The following SPECC1 variants were observed in gnomAD, a reference collection of about 807,000 sequenced individuals.
SPECC1 encodes the protein sperm antigen with calponin homology and coiled-coil domains 1.
A neutral mutation model predicts 104.1 loss-of-function variants in SPECC1; 62 were observed. The ratio of observed to expected loss-of-function variants is 0.60; its 90% CI spans 0.49 to 0.74. The LOEUF is 0.74. Among genes scored for constraint, SPECC1 ranks in the 30% least tolerant of loss-of-function variants. The pLI is 0.00. For missense variants in SPECC1, 1,306 were observed against 1,310.5 expected (o/e 1.00, Z 0.05); for synonymous variants, 513 against 501.6 (o/e 1.02, Z -0.30).
At position 20,312,581 on chromosome 17, in the gene SPECC1, A is replaced by G. The variant is rs184607293; in HGVS notation, c.3118-1395A>G. Among the ~76,000 whole-genome samples the G allele has an allele frequency of 3.3e-5, 5 of 152,222 alleles. No homozygotes were observed. The East Asian group carries it at 7.7e-4, about 24-fold the overall frequency. On this transcript the variant is annotated intron_variant, in intron 14 of 14. Coordinates refer to ENST00000395527, the MANE Select transcript of SPECC1 (RefSeq NM_001243439.2). ...CATCTATGTCCAAATTGCATGCCCA[A>G]TTCTTCATCAGTTCCTTTCTGTAAG...
intron 9 of SPECC1, among the ~76,000 whole-genome samples, chr17:20,253,157 A>G (rs1475960171): frequency 2.6e-5 from 4 of 152,170 alleles, no homozygotes; most frequent in Admixed American, 1.3e-4. Flanking sequence ...ATACCTATTA[A>G]CCATTAAAAA....
intron 3 of SPECC1, among the ~76,000 whole-genome samples, chr17:20,132,142 T>G (rs2049679100): frequency 6.6e-6 from 1 of 152,184 alleles, no homozygotes; most frequent in African/African-American, 2.4e-5. Context: ...TTCTCTGCAT[T>G]GATAGATGTG....
intron 3 of SPECC1, among the ~76,000 whole-genome samples, chr17:20,135,337 A>T (rs989754575): frequency 6.6e-6 from 1 of 152,152 alleles, no homozygotes; most frequent in African/African-American, 2.4e-5. Context: ...TGCTGTTTAG[A>T]TGGGACGTTT....
intron 3 of SPECC1, among the ~76,000 whole-genome samples, chr17:20,157,654 A>C (rs1435415270): frequency 1.3e-5 from 2 of 152,174 alleles, no homozygotes; most frequent in African/African-American, 4.8e-5. Context: ...TACAGCTTTT[A>C]AGACTGATTG....
chr17:20,300,395 A>G (rs2041530458), intron 13 of SPECC1, among the ~76,000 whole-genome samples: 1 of 152,222 alleles, frequency 6.6e-6, no homozygotes, highest in Non-Finnish European at 1.5e-5. Context: ...TGTTGGAGAG[A>G]TAACTGAGGA....
At chr17:20,221,687 G>T (rs1229639841) in intron 4 of SPECC1, among the ~76,000 whole-genome samples, 4 of 151,282 alleles carry the variant, frequency 2.6e-5, no homozygotes, top group Non-Finnish European at 4.4e-5. Context: ...TCTCATTTTG[G>T]GTTTCATTTG....
intron 6 of SPECC1, 48 bp downstream of exon 6, chr17:20,231,879 C>A: frequency 1.9e-6 from 3 of 1,568,454 alleles, no homozygotes; most frequent in South Asian, 1.1e-5. Context: ...ATGAATTACC[C>A]GCTCCGAGGT....
chr17:20,201,476 C>T (rs2036430909), intron 3 of SPECC1, among the ~76,000 whole-genome samples: 1 of 151,828 alleles, frequency 6.6e-6, no homozygotes, highest in Non-Finnish European at 1.5e-5. Flanking sequence ...AGCAAAACTC[C>T]ATCTCAAAAA....
chr17:20,111,894 T>A, intron 3 of SPECC1: 2 of 796,096 alleles, frequency 2.5e-6, no homozygotes, highest in South Asian at 2.7e-5. Context: ...TGTGGAACTT[T>A]ATCTGATTTG....
rs552364680 is a variant in SPECC1 at position 20,205,877 on chromosome 17, G to A, written c.1828G>A (p.Gly610Ser). The change falls in exon 4 of 15, where the codon GGT (glycine) becomes AGT (serine). Residue 610 changes from glycine (G) to serine (S), a missense_variant. This residue lies in a region of SPECC1 where 1,177 missense variants were observed against 1,139.9 expected (regional missense o/e 1.03). Coordinates refer to ENST00000395527, the MANE Select transcript of SPECC1 (RefSeq NM_001243439.2). Reference protein sequence around the residue: ...ELRQELLKANGEIKHVSSLLA... With the variant: ...ELRQELLKANSEIKHVSSLLA... ...CAGACAAGAATTACTAAAGGCAAAC[G>A]GTGAAATTAAACATGTTTCCAGTCT... 9.9e-6 allele frequency: 16 copies of A among 1,612,978 alleles called. No individual in the cohort carries two copies. In the East Asian group the frequency reaches 1.1e-4, roughly 11 times the overall value.
At chr17:20,157,903 C>A (rs773015848) in intron 3 of SPECC1, among the ~76,000 whole-genome samples, 4 of 152,186 alleles carry the variant, frequency 2.6e-5, no homozygotes, top group Non-Finnish European at 5.9e-5. Context: ...GGCTCCAGCA[C>A]CTCTCCTCCG....
chr17:20,021,679 TA>T (rs1567797426), intron 1 of SPECC1, among the ~76,000 whole-genome samples: 4 of 141,946 alleles, frequency 2.8e-5, no homozygotes, highest in East Asian at 2.1e-4. Context: ...ATATATAATA[TA>T]ATAATATATA....
chr17:20,081,472 G>A (rs569560473), intron 1 of SPECC1, among the ~76,000 whole-genome samples: 2 of 152,246 alleles, frequency 1.3e-5, no homozygotes, highest in East Asian at 1.9e-4. Flanking sequence ...TGGGGTGTGC[G>A]TGTGAACCAT....
chr17:20,033,734 A>G (rs1051036587), intron 1 of SPECC1, among the ~76,000 whole-genome samples: 3 of 152,158 alleles, frequency 2.0e-5, no homozygotes, highest in African/African-American at 7.2e-5. Context: ...TGCCACCCCC[A>G]TGACTCAGAC....
At chr17:20,098,378 C>T (rs1476818985) in intron 2 of SPECC1, among the ~76,000 whole-genome samples, 1 of 152,240 alleles carries the variant, frequency 6.6e-6, no homozygotes, top group Non-Finnish European at 1.5e-5. Context: ...CACTGCCTCC[C>T]TTGTGACCAG....
intron 3 of SPECC1, among the ~76,000 whole-genome samples, chr17:20,111,263 C>T (rs1165718362): frequency 6.6e-6 from 1 of 152,138 alleles, no homozygotes; most frequent in East Asian, 1.9e-4. Flanking sequence ...AACTGAAATA[C>T]ATCGTTACTA....
intron 12 of SPECC1, among the ~76,000 whole-genome samples, chr17:20,288,360 A>G (rs1186438455): frequency 6.6e-6 from 1 of 152,204 alleles, no homozygotes; most frequent in Non-Finnish European, 1.5e-5. Context: ...TTTGAGGACT[A>G]CAAGGAACTT....
chr17:20,036,905 T>C lies in SPECC1; in HGVS notation c.-22+27481T>C, dbSNP rs926284887. On this transcript the variant is annotated intron_variant, in intron 1 of 14. Transcript: ENST00000395527. The stretch of plus-strand genomic sequence containing the variant: ...GTTCCTGATCGTAGGGGAAAGCATT[T>C]AGTTTTTCACCATTAAGTATAGGTT... Among the ~76,000 whole-genome samples the C allele has an allele frequency of 8.5e-5, 13 of 152,234 alleles. No individual in the cohort carries two copies. The East Asian group carries it at 2.3e-3, about 27-fold the overall frequency.
At chr17:20,243,454 A>G (rs1399797231) in intron 7 of SPECC1, among the ~76,000 whole-genome samples, 3 of 152,212 alleles carry the variant, frequency 2.0e-5, no homozygotes, top group Admixed American at 1.3e-4. Flanking sequence ...TTTCAGCCTC[A>G]TTTATGATTT....
Sources: allele counts gnomAD v4.1 joint callset (sites outside exome capture counted in the v4.1 genomes callset), GRCh38; gene constraint gnomAD v4.1.1; regional missense constraint gnomAD v4.1.1; transcripts MANE v1.5; gene names NCBI Gene and HGNC (gene_info 2026-07-23, HGNC 2026-07-21).